The following EPS15L1 variants were observed in gnomAD, a reference collection of about 807,000 sequenced individuals.
The protein encoded by EPS15L1 is epidermal growth factor receptor substrate 15-like 1.
In EPS15L1, 43 loss-of-function variants were observed where a neutral mutation model predicts 117.1. That is an observed-to-expected ratio of 0.37 (90% CI 0.29 to 0.47). EPS15L1 has a LOEUF of 0.47. Ranked by LOEUF, EPS15L1 falls within the 20% of genes least tolerant of loss-of-function variation. The pLI is 0.99. For missense variants in EPS15L1, 981 were observed against 1,164.0 expected, an observed-to-expected ratio of 0.84 and a Z score of 2.29; for synonymous variants, 459 against 470.5, an observed-to-expected ratio of 0.98 and a Z score of 0.32.
rs555258131 is a variant in EPS15L1, at chr19:16,435,651, T to C, written c.373-1161A>G. 1.4e-4 allele frequency among the ~76,000 whole-genome samples: 21 copies of C among 148,750 alleles called. No homozygotes were observed. The South Asian group carries it at 4.2e-3, about 30-fold the overall frequency. ...GCTAAGAAGCTGAGCGCTGCAGGTC[T>C]TTCTCGGGGGCCTGGGATCCTCTCC... On this transcript the variant is annotated intron_variant, in intron 6 of 23. Transcript: ENST00000455140.
chr19:16,360,066 T>C (rs1290258457), intron 23 of EPS15L1, among the ~76,000 whole-genome samples: 1 of 102,606 alleles, frequency 9.7e-6, no homozygotes, highest in Non-Finnish European at 2.0e-5. Context: ...CCTTGGGTGT[T>C]TTTTTTTTTT....
intron 19 of EPS15L1, 30 bp downstream of exon 19, chr19:16,392,274 C>T: frequency 6.2e-7 from 1 of 1,613,478 alleles, no homozygotes; most frequent in African/African-American, 1.3e-5. Flanking sequence ...AGGCACGCAG[C>T]TCTCCCGGGC....
chr19:16,380,296 C>A (rs1334716296), intron 21 of EPS15L1, among the ~76,000 whole-genome samples: 4 of 152,218 alleles, frequency 2.6e-5, no homozygotes, highest in African/African-American at 9.6e-5. Flanking sequence ...CACACAGACA[C>A]GGCCACCTAA....
At chr19:16,456,317 C>T (rs966962299) in intron 1 of EPS15L1, among the ~76,000 whole-genome samples, 3 of 152,346 alleles carry the variant, frequency 2.0e-5, no homozygotes, top group East Asian at 1.9e-4. Context: ...ATGCTGAACT[C>T]GTGCTAAGAG....
Position 16,371,517 on chromosome 19 carries a change from T to A in EPS15L1, c.2380+5605A>T, listed in dbSNP as rs1440365544. Among the ~76,000 whole-genome samples, 1 of 152,160 alleles carries A rather than the reference T, an allele frequency of 6.6e-6. No homozygotes were observed. Among genetic ancestry groups the A allele is most frequent in the African/African-American group, 2.4e-5 (1 of 41,418 alleles). ...GCTCATCACCATCACCTATGCGGCT[T>A]TGTTTAGGAGGTGAAAAGGTCATTA... is the stretch of plus-strand genomic sequence containing the variant. On this transcript the variant is annotated intron_variant, in intron 22 of 23. Transcript: ENST00000455140. This position sits in a 1 kb window ranked among gnomAD's most constrained non-coding sequence, Gnocchi z 4.7.
intron 1 of EPS15L1, among the ~76,000 whole-genome samples, chr19:16,464,879 G>C (rs1231204517): frequency 6.6e-6 from 1 of 151,314 alleles, no homozygotes; most frequent in East Asian, 1.9e-4. Flanking sequence ...GTCAGATCGA[G>C]ACCATCCTGC....
Position 16,355,372 on chromosome 19 carries a change from G to A in EPS15L1, c.*333C>T. 9.9e-6 allele frequency: 3 copies of A among 303,974 alleles called. No individual in the cohort carries two copies. The highest frequency in any genetic ancestry group is 1.8e-5 in the Non-Finnish European group (3 of 162,666). The allele number at this position is 303,974 out of a possible 1,614,324, so 18.8% of individuals were successfully genotyped here. A position where few individuals can be genotyped will look rare whatever the true frequency, so the allele number is the denominator to read the frequency against. On this transcript the variant is annotated 3_prime_UTR_variant, in exon 24 of 24. Transcript: ENST00000455140. ...GTGGGGATGTCTGCAGCTATGAGTA[G>A]GGAGGAGGCGGGGAAGCCCTGGGTG...
intron 4 of EPS15L1, among the ~76,000 whole-genome samples, chr19:16,439,367 A>G (rs1271663032): frequency 6.6e-6 from 1 of 152,140 alleles, no homozygotes; most frequent in Non-Finnish European, 1.5e-5. Flanking sequence ...AGTCAAATTT[A>G]TTTTCCATAG....
rs2092631622 is a variant in EPS15L1, at chr19:16,404,224, T to C, written c.1429-294A>G. Among the ~76,000 whole-genome samples the C allele has an allele frequency of 2.0e-5, 3 of 152,138 alleles. No homozygotes were observed. The highest frequency in any genetic ancestry group is 2.4e-5 in the African/African-American group (1 of 41,424). On this transcript the variant is annotated intron_variant, in intron 14 of 23. Coordinates refer to ENST00000455140, the MANE Select transcript of EPS15L1 (RefSeq NM_001258374.3). This position sits in a 1 kb window ranked among gnomAD's most constrained non-coding sequence, Gnocchi z 4.2. Reference sequence around the variant, plus strand: ...CCATCCCCCCAGAGGCTGAACGTCATAGAGTTTTCTGAGGTTGCAGCCTCC... The same window carrying C: ...CCATCCCCCCAGAGGCTGAACGTCACAGAGTTTTCTGAGGTTGCAGCCTCC...
At chr19:16,455,343 C>G (rs552012836) in intron 1 of EPS15L1, among the ~76,000 whole-genome samples, 19 of 151,738 alleles carry the variant, frequency 1.3e-4, no homozygotes, top group Non-Finnish European at 2.1e-4. Context: ...CCAGGCTGGT[C>G]TTGAACTCCT....
chr19:16,447,485 C>T (rs1348199701), intron 1 of EPS15L1, among the ~76,000 whole-genome samples: 1 of 152,164 alleles, frequency 6.6e-6, no homozygotes, highest in African/African-American at 2.4e-5. Context: ...CAGGGCCAGG[C>T]ACTCTGGCTC....
At chr19:16,440,343 G>T (rs942961038) in intron 4 of EPS15L1, among the ~76,000 whole-genome samples, 1 of 151,968 alleles carries the variant, frequency 6.6e-6, no homozygotes, top group African/African-American at 2.4e-5. Flanking sequence ...TGAGGCAGGG[G>T]AATCACTTGA....
intron 4 of EPS15L1, among the ~76,000 whole-genome samples, chr19:16,440,311 T>C (rs2093018607): frequency 6.6e-6 from 1 of 151,692 alleles, no homozygotes; most frequent in African/African-American, 2.4e-5. Context: ...TTCTCGCCTG[T>C]AATCCCAGCT....
chr19:16,413,086 G>T, intron 13 of EPS15L1: 1 of 692,060 alleles, frequency 1.4e-6, no homozygotes, highest in Non-Finnish European at 2.6e-6. Flanking sequence ...GTTGCTATCG[G>T]GGACTACAAT....
At chr19:16,393,703 T>C (rs1443956327) in intron 18 of EPS15L1, among the ~76,000 whole-genome samples, 4 of 149,204 alleles carry the variant, frequency 2.7e-5, no homozygotes, top group African/African-American at 7.4e-5. Context: ...AATAAATAAA[T>C]AAATTAGCAA....
At chr19:16,384,201 T>G (rs578234651) in intron 21 of EPS15L1, 1 of 152,210 alleles carries the variant, frequency 6.6e-6, no homozygotes, top group Non-Finnish European at 1.5e-5. Context: ...TGCCCCTGCC[T>G]GGGGGCTGCC....
At chr19:16,462,352 C>G (rs2093260884) in intron 1 of EPS15L1, among the ~76,000 whole-genome samples, 2 of 152,134 alleles carry the variant, frequency 1.3e-5, no homozygotes, top group South Asian at 4.1e-4. Flanking sequence ...TCTGGGAGAC[C>G]AGGTTACCAG....
chr19:16,401,832 T>TG, intron 16 of EPS15L1: 5 of 986,882 alleles, frequency 5.1e-6, no homozygotes, highest in Non-Finnish European at 6.0e-6. Flanking sequence ...AGCAACACCC[T>TG]GGGGCGCTGC....
At chr19:16,450,104 A>G (rs976594098) in intron 1 of EPS15L1, among the ~76,000 whole-genome samples, 42 of 151,556 alleles carry the variant, frequency 2.8e-4, no homozygotes, top group African/African-American at 9.4e-4. Context: ...AAAAATAGCC[A>G]CGCATGGTGG....
Sources: gnomAD v4.1 joint callset for allele counts (sites outside exome capture counted in the v4.1 genomes callset) on GRCh38, gnomAD v4.1.1 for gene constraint, Gnocchi (gnomAD v3.1) non-coding constraint, MANE v1.5 for transcripts, NCBI Gene and HGNC (gene_info 2026-07-23, HGNC 2026-07-21) for gene names.